The following LOC128462377 variants were observed in gnomAD, a reference collection of about 807,000 sequenced individuals.
At chr16:89,330,657 T>TGGGGGGGGGGGGGGGGG in the LOC128462377 span, among the ~76,000 whole-genome samples, 1 of 5,076 alleles carries the variant, frequency 2.0e-4, no homozygotes, top group African/African-American at 6.0e-4. Context: ...GTACAGTGAC[T>TGGGGGGGGGGGGGGGGG]GGGGGGGGGG....
At chr16:89,321,088 C>G in the LOC128462377 span, 2 of 152,624 alleles carry the variant, frequency 1.3e-5, no homozygotes, top group Admixed American at 1.3e-4. Context: ...CTGAACCATC[C>G]AGGCACCGCG....
At chr16:89,393,490 CTTT>C in the LOC128462377 span, among the ~76,000 whole-genome samples, 23 of 117,062 alleles carry the variant, frequency 2.0e-4, no homozygotes, top group African/African-American at 5.0e-4. Context: ...TATCCAGCTG[CTTT>C]TTTTTTTTTT....
the LOC128462377 span, among the ~76,000 whole-genome samples, chr16:89,351,705 A>T: frequency 6.6e-6 from 1 of 152,196 alleles, no homozygotes. Flanking sequence ...ACACAAAATG[A>T]CCAGAACAGC....
the LOC128462377 span, among the ~76,000 whole-genome samples, chr16:89,329,925 G>A: frequency 6.6e-6 from 1 of 152,076 alleles, no homozygotes; most frequent in South Asian, 2.1e-4. Flanking sequence ...GGGAGGCAGA[G>A]GCTGCCGTGA....
the LOC128462377 span, among the ~76,000 whole-genome samples, chr16:89,353,952 A>G: frequency 3.9e-5 from 6 of 152,304 alleles, no homozygotes; most frequent in South Asian, 1.2e-3. Flanking sequence ...GCAGAGATGG[A>G]GACATAAAGG....
chr16:89,401,595 G>T, the LOC128462377 span, among the ~76,000 whole-genome samples: 292 of 152,194 alleles, frequency 1.9e-3, 4 homozygotes, highest in Non-Finnish European at 5.4e-4. Flanking sequence ...TTATTTACTG[G>T]TGTTATGAGT....
At chr16:89,394,315 C>G in the LOC128462377 span, among the ~76,000 whole-genome samples, 3 of 152,320 alleles carry the variant, frequency 2.0e-5, no homozygotes, top group East Asian at 5.8e-4. Flanking sequence ...TCTCACTCAT[C>G]AGGAAACTTC....
At chr16:89,324,493 C>T in the LOC128462377 span, 1 of 456,472 alleles carries the variant, frequency 2.2e-6, no homozygotes, top group Non-Finnish European at 4.4e-6. Context: ...TGTAACTGTT[C>T]CTGGGAGCAT....
chr16:89,417,516 G>A, the LOC128462377 span, among the ~76,000 whole-genome samples: 1 of 152,070 alleles, frequency 6.6e-6, no homozygotes, highest in African/African-American at 2.4e-5. Context: ...GACTGCTGCC[G>A]CTCCTCTCAA....
the LOC128462377 span, among the ~76,000 whole-genome samples, chr16:89,415,849 A>AAAAAAAAAAAAAAAAAAAAAAAAAAAG: frequency 6.8e-6 from 1 of 147,542 alleles, no homozygotes; most frequent in Non-Finnish European, 1.5e-5. Flanking sequence ...AAAAAAAAAA[A>AAAAAAAAAAAAAAAAAAAAAAAAAAAG]ACAATGGAGA....
At chr16:89,349,303 AC>A in the LOC128462377 span, among the ~76,000 whole-genome samples, 1 of 151,866 alleles carries the variant, frequency 6.6e-6, no homozygotes, top group Non-Finnish European at 1.5e-5. Flanking sequence ...ACACGGTGAA[AC>A]CCCATCTCTA....
the LOC128462377 span, chr16:89,324,432 G>C: frequency 2.1e-6 from 1 of 470,794 alleles, no homozygotes; most frequent in Admixed American, 2.3e-5. Flanking sequence ...CTAAAACCAA[G>C]GTAAGTGTGA....
At chr16:89,412,554 C>T in the LOC128462377 span, 1 of 152,270 alleles carries the variant, frequency 6.6e-6, no homozygotes, top group South Asian at 2.1e-4. Context: ...CTACAGGAAC[C>T]CAATTACATC....
the LOC128462377 span, among the ~76,000 whole-genome samples, chr16:89,344,476 G>T: frequency 6.6e-6 from 1 of 152,184 alleles, no homozygotes; most frequent in Non-Finnish European, 1.5e-5. Flanking sequence ...TCTGTCTGAA[G>T]CGAGTGACAC....
At chr16:89,413,615 T>G in the LOC128462377 span, among the ~76,000 whole-genome samples, 2 of 152,026 alleles carry the variant, frequency 1.3e-5, no homozygotes, top group African/African-American at 2.4e-5. Context: ...ACAGCCAGAC[T>G]GTCTCAAAAA....
At chr16:89,405,768 C>T in the LOC128462377 span, among the ~76,000 whole-genome samples, 1 of 152,138 alleles carries the variant, frequency 6.6e-6, no homozygotes, top group Non-Finnish European at 1.5e-5. Context: ...GACCCTGGGG[C>T]TTAGGGGTCA....
chr16:89,342,400 C>G, the LOC128462377 span, among the ~76,000 whole-genome samples: 5 of 152,232 alleles, frequency 3.3e-5, no homozygotes, highest in Admixed American at 2.6e-4. Context: ...CTTGGGAAGA[C>G]AGCATTCGGT....
At chr16:89,401,030 C>G in the LOC128462377 span, among the ~76,000 whole-genome samples, 3 of 152,198 alleles carry the variant, frequency 2.0e-5, no homozygotes, top group Admixed American at 2.0e-4. Flanking sequence ...TGTGGGTGGA[C>G]AAATCCACAA....
the LOC128462377 span, among the ~76,000 whole-genome samples, chr16:89,347,633 T>C: frequency 2.6e-5 from 4 of 151,736 alleles, no homozygotes; most frequent in South Asian, 8.3e-4. Flanking sequence ...AAGGTTCTGT[T>C]CTCCAGGTTG....
Sources: gnomAD v4.1 joint callset for allele counts (sites outside exome capture counted in the v4.1 genomes callset) on GRCh38, gnomAD v4.1.1 for gene constraint, MANE v1.5 for transcripts.